SLC25A24: variants seen among roughly 807,000 people sequenced by gnomAD.
SLC25A24 encodes mitochondrial adenyl nucleotide antiporter SLC25A24.
A neutral mutation model predicts 60.7 loss-of-function variants in SLC25A24; 49 were observed. The observed-to-expected ratio is 0.81, with a 90% CI of 0.64 to 1.02. The LOEUF (loss-of-function observed/expected upper bound fraction) is 1.02. Ranked by LOEUF, SLC25A24 falls within the 50% of genes least tolerant of loss-of-function variation. The pLI, the probability that SLC25A24 is intolerant of heterozygous loss-of-function variation, is 0.00. For missense variants in SLC25A24, 564 were observed against 586.3 expected (o/e 0.96, Z 0.39); for synonymous variants, 202 against 200.6 (o/e 1.01, Z -0.06).
At chr1:108,142,514 G>A (rs987833667) in intron 8 of SLC25A24, among the ~76,000 whole-genome samples, 1 of 152,106 alleles carries the variant, frequency 6.6e-6, no homozygotes, top group Non-Finnish European at 1.5e-5. Context: ...TAATAAATCA[G>A]ACACAAAAAG....
chr1:108,182,765 G>A (rs537190474), intron 2 of SLC25A24, among the ~76,000 whole-genome samples: 74 of 152,142 alleles, frequency 4.9e-4, no homozygotes, highest in Non-Finnish European at 6.5e-4. Context: ...GCTGGGAGGC[G>A]GAGGTTGCAG....
intron 3 of SLC25A24, among the ~76,000 whole-genome samples, chr1:108,180,297 G>A (rs183182023): frequency 2.2e-4 from 34 of 151,864 alleles, no homozygotes; most frequent in Middle Eastern, 3.4e-3. Context: ...CCTGGGAGGC[G>A]GAGGTTGCAG....
At chr1:108,187,927 G>GATATATATATAT (rs57513025) in intron 1 of SLC25A24, among the ~76,000 whole-genome samples, 1,895 of 95,758 alleles carry the variant, frequency 0.02, 151 homozygotes, top group African/African-American at 0.072. Flanking sequence ...AGACATTATA[G>GATATATATATAT]ATATATATAT....
chr1:108,141,149 A>G (rs907676046), intron 8 of SLC25A24, among the ~76,000 whole-genome samples: 2 of 152,336 alleles, frequency 1.3e-5, no homozygotes, highest in Non-Finnish European at 2.9e-5. Flanking sequence ...CCATAATTAC[A>G]TCAGACAAAA....
chr1:108,186,096 C>T (rs1447295451), intron 1 of SLC25A24, 142 bp from the exon 2 acceptor site: 9 of 529,298 alleles, frequency 1.7e-5, no homozygotes, highest in Non-Finnish European at 2.2e-5. Context: ...CATTCATTAT[C>T]GCAAAGATCT....
intron 3 of SLC25A24, among the ~76,000 whole-genome samples, chr1:108,166,602 TG>T (rs1232791466): frequency 1.3e-5 from 2 of 152,216 alleles, no homozygotes; most frequent in Non-Finnish European, 2.9e-5. Flanking sequence ...CTGAGGCTTC[TG>T]CATTCTTCAT....
chr1:108,161,428 T>C (rs779834964), intron 3 of SLC25A24, 135 bp from the exon 4 acceptor site: 5 of 608,464 alleles, frequency 8.2e-6, no homozygotes, highest in Non-Finnish European at 1.4e-5. Flanking sequence ...CATCCACAAA[T>C]ATAGGTTGTT....
Position 108,136,406 on chromosome 1 carries a change from AG to A in SLC25A24, c.*246del. On this transcript the variant is annotated 3_prime_UTR_variant, in exon 10 of 10. Transcript: ENST00000565488. ...TTTCGGATTCAGGGCAGAGATTTGC[AG>A]GATTATTAAGAAAAGATAAAGTATA... 2.9e-6 allele frequency: 1 copy of A among 339,800 alleles called. No individual in the cohort carries two copies. Among genetic ancestry groups the A allele is most frequent in the Non-Finnish European group, 5.3e-6 (1 of 189,192 alleles). 21.0% of individuals were successfully genotyped at this position (339,800 alleles called of 1,614,324 possible).
At chr1:108,175,057 G>A (rs1647622336) in intron 3 of SLC25A24, among the ~76,000 whole-genome samples, 1 of 152,188 alleles carries the variant, frequency 6.6e-6, no homozygotes, top group African/African-American at 2.4e-5. Context: ...GACGCTGAGG[G>A]ACTGCTGGAA....
At chr1:108,169,344 A>G (rs1197429970) in intron 3 of SLC25A24, among the ~76,000 whole-genome samples, 2 of 152,132 alleles carry the variant, frequency 1.3e-5, no homozygotes, top group Non-Finnish European at 2.9e-5. Context: ...CCTCAAAAAA[A>G]CCAGGTGGGT....
intron 8 of SLC25A24, among the ~76,000 whole-genome samples, chr1:108,140,386 C>T (rs978903263): frequency 3.3e-5 from 5 of 151,820 alleles, no homozygotes; most frequent in Admixed American, 6.6e-5. Flanking sequence ...ACCGGCCCTA[C>T]AAGAAAGGCT....
intron 6 of SLC25A24, among the ~76,000 whole-genome samples, chr1:108,148,880 A>G (rs1011401797): frequency 3.3e-5 from 5 of 152,240 alleles, no homozygotes; most frequent in African/African-American, 1.2e-4. Context: ...TGTATACACT[A>G]CATTAATAAT....
intron 6 of SLC25A24, among the ~76,000 whole-genome samples, chr1:108,150,919 G>A (rs1679737634): frequency 6.6e-6 from 1 of 151,888 alleles, no homozygotes; most frequent in Admixed American, 6.6e-5. Flanking sequence ...CCTCCCTCCA[G>A]GCCAGGCACG....
At chr1:108,196,203 G>C (rs892413658) in intron 1 of SLC25A24, among the ~76,000 whole-genome samples, 2 of 152,076 alleles carry the variant, frequency 1.3e-5, no homozygotes, top group Non-Finnish European at 2.9e-5. Context: ...ATCATAGAAT[G>C]TAAGAGTTAG....
chr1:108,178,950 A>C (rs943780298), intron 3 of SLC25A24, among the ~76,000 whole-genome samples: 6 of 152,190 alleles, frequency 3.9e-5, no homozygotes, highest in Non-Finnish European at 8.8e-5. Context: ...AAATTTCCTG[A>C]GATGAAAAAA....
intron 3 of SLC25A24, among the ~76,000 whole-genome samples, chr1:108,176,687 G>A (rs954687146): frequency 5.9e-5 from 9 of 152,188 alleles, no homozygotes; most frequent in Admixed American, 3.3e-4. Flanking sequence ...AGACTGGTCA[G>A]CAGAGACCTA....
chr1:108,166,911 T>C (rs1055917859), intron 3 of SLC25A24, among the ~76,000 whole-genome samples: 1 of 151,852 alleles, frequency 6.6e-6, no homozygotes, highest in African/African-American at 2.4e-5. Flanking sequence ...TTTTTCCCCA[T>C]CTTTGTGGTT....
chr1:108,160,818 TGC>T (rs1410240090), intron 4 of SLC25A24, among the ~76,000 whole-genome samples: 3 of 152,096 alleles, frequency 2.0e-5, no homozygotes, highest in African/African-American at 7.2e-5. Context: ...GGCGTGGCGG[TGC>T]GCGCCTGCAA....
At chr1:108,169,550 T>A (rs1171777474) in intron 3 of SLC25A24, among the ~76,000 whole-genome samples, 1 of 152,256 alleles carries the variant, frequency 6.6e-6, no homozygotes, top group Admixed American at 6.5e-5. Flanking sequence ...GTCATAGGTA[T>A]CTTGGCCTCT....
Sources: gnomAD v4.1 joint callset for allele counts (sites outside exome capture counted in the v4.1 genomes callset) on GRCh38, gnomAD v4.1.1 for gene constraint, MANE v1.5 for transcripts, NCBI Gene and HGNC (gene_info 2026-07-23, HGNC 2026-07-21) for gene names.